Variants in DPPA2 observed in about 807,000 individuals in gnomAD.
The protein encoded by DPPA2 is developmental pluripotency-associated protein 2.
DPPA2 carries 26 observed loss-of-function variants against 36.2 expected under a neutral mutation model. The observed-to-expected ratio is 0.72, with a 90% CI of 0.53 to 1.00. The LOEUF is 1.00. DPPA2 is among the 50% of genes least tolerant of loss of function. The probability of loss-of-function intolerance (pLI) is 0.00; values close to 1 mark genes in which losing one functional copy is unlikely to be tolerated. For synonymous variants in DPPA2, 113 were observed against 123.2 expected, an observed-to-expected ratio of 0.92 and a Z score of 0.55; for missense variants, 361 against 365.1, an observed-to-expected ratio of 0.99 and a Z score of 0.09.
chr3:109,308,971 C>T (rs912415712), intron 5 of DPPA2, 55 bp downstream of exon 5: 18 of 1,603,984 alleles, frequency 1.1e-5, no homozygotes, highest in South Asian at 2.2e-5. Flanking sequence ...CGGTAGGGAC[C>T]GGACGAATCA....
At chr3:109,308,005 G>C (rs1416882493) in intron 6 of DPPA2, 27 bp downstream of exon 6, 1 of 1,606,128 alleles carries the variant, frequency 6.2e-7, no homozygotes, top group Non-Finnish European at 8.5e-7. Flanking sequence ...CTCTGGAGTG[G>C]GACTCACACT....
At chr3:109,298,016 C>T (rs1707383095) in intron 8 of DPPA2, among the ~76,000 whole-genome samples, 2 of 152,004 alleles carry the variant, frequency 1.3e-5, no homozygotes, top group Non-Finnish European at 1.5e-5. Context: ...AAGGCTGGGC[C>T]AGGAGAATCC....
chr3:109,312,929 AG>A (rs972557081), intron 2 of DPPA2, among the ~76,000 whole-genome samples: 20 of 152,204 alleles, frequency 1.3e-4, no homozygotes, highest in African/African-American at 4.8e-4. Context: ...AGAAAATAGA[AG>A]GGTAGGGCTT....
Position 109,309,189 on chromosome 3 carries a change from C to A in DPPA2, c.323G>T (p.Gly108Val). The change falls in exon 4 of 9, where the codon GGT becomes GTT. Residue 108 changes from glycine (G) to valine (V), a missense_variant. By Grantham distance (109) the Gly-to-Val change is moderately radical (BLOSUM62 -3). Coordinates refer to ENST00000478945, the MANE Select transcript of DPPA2 (RefSeq NM_138815.4). ...ACTAACCTTGCCATTAGTACTCAAA[C>A]CGAGTTGTTGACACCAGTCCCGCAA... ...DTLRDWCQQL[G>V]LSTNGKKIEV... The A allele has an allele frequency of 6.2e-7, 1 of 1,614,156 alleles. No homozygotes were observed. The highest frequency in any genetic ancestry group is 8.5e-7 in the Non-Finnish European group (1 of 1,180,050).
intron 8 of DPPA2, among the ~76,000 whole-genome samples, chr3:109,294,614 A>G (rs1305759824): frequency 1.3e-5 from 2 of 152,216 alleles, no homozygotes; most frequent in Non-Finnish European, 2.9e-5. Flanking sequence ...GGTGAGGTGA[A>G]GTGCTTACTT....
intron 8 of DPPA2, among the ~76,000 whole-genome samples, chr3:109,294,441 G>C (rs1485722141): frequency 1.3e-5 from 2 of 152,082 alleles, no homozygotes; most frequent in Non-Finnish European, 2.9e-5. Flanking sequence ...TGTAAGTTTG[G>C]GCTCATTCTA....
intron 2 of DPPA2, among the ~76,000 whole-genome samples, chr3:109,313,033 G>C (rs1187150249): frequency 6.6e-6 from 1 of 152,154 alleles, no homozygotes; most frequent in African/African-American, 2.4e-5. Flanking sequence ...TATGGAGTGT[G>C]TTCCTGCCTT....
At chr3:109,302,390 ATC>A (rs1057443627) in intron 7 of DPPA2, among the ~76,000 whole-genome samples, 9 of 152,154 alleles carry the variant, frequency 5.9e-5, no homozygotes, top group African/African-American at 1.9e-4. Context: ...GTAATGAATT[ATC>A]TCTTTCTGAA....
At chr3:109,301,545 C>T (rs1389275233) in intron 7 of DPPA2, among the ~76,000 whole-genome samples, 4 of 151,386 alleles carry the variant, frequency 2.6e-5, no homozygotes, top group East Asian at 1.9e-4. Context: ...CCAGCTACTC[C>T]GGAGGCTGAG....
intron 8 of DPPA2, among the ~76,000 whole-genome samples, 188 bp from the exon 9 acceptor site, chr3:109,294,192 T>A (rs1481110180): frequency 6.6e-6 from 1 of 152,156 alleles, no homozygotes; most frequent in Non-Finnish European, 1.5e-5. Context: ...TTGGTTTCCT[T>A]TGGGTTACTG....
At chr3:109,296,343 G>T (rs1296066623) in intron 8 of DPPA2, among the ~76,000 whole-genome samples, 1 of 152,208 alleles carries the variant, frequency 6.6e-6, no homozygotes, top group Non-Finnish European at 1.5e-5. Context: ...CTCTCCGTAA[G>T]CCTTACAAAC....
At chr3:109,302,087 T>C (rs1230868453) in intron 7 of DPPA2, among the ~76,000 whole-genome samples, 1 of 151,872 alleles carries the variant, frequency 6.6e-6, no homozygotes, top group Non-Finnish European at 1.5e-5. Flanking sequence ...TGCTAACCTC[T>C]AACTGTGTTC....
intron 3 of DPPA2, among the ~76,000 whole-genome samples, chr3:109,311,606 G>A (rs944372685): frequency 6.6e-6 from 1 of 152,020 alleles, no homozygotes. Context: ...TGGGCGTGGT[G>A]GTGGGCGCCT....
intron 3 of DPPA2, 78 bp from the exon 4 acceptor site, chr3:109,309,408 T>A (rs1315723125): frequency 1.3e-6 from 2 of 1,536,914 alleles, no homozygotes; most frequent in East Asian, 4.6e-5. Flanking sequence ...AGATCTAGGG[T>A]CGGGCACGGT....
chr3:109,298,472 TG>T (rs1707394243), intron 8 of DPPA2, among the ~76,000 whole-genome samples: 1 of 151,318 alleles, frequency 6.6e-6, no homozygotes, highest in Non-Finnish European at 1.5e-5. Context: ...CCCAGCCCTT[TG>T]GGAGCCCAAG....
chr3:109,312,239 C>G (rs1354102869), intron 3 of DPPA2, among the ~76,000 whole-genome samples: 3 of 152,132 alleles, frequency 2.0e-5, no homozygotes, highest in Non-Finnish European at 4.4e-5. Context: ...AAGGCTGAGG[C>G]AGGAGAATCG....
intron 8 of DPPA2, 117 bp downstream of exon 8, chr3:109,300,254 G>T: frequency 1.3e-6 from 1 of 790,472 alleles, no homozygotes; most frequent in Non-Finnish European, 2.1e-6. Context: ...ATACATTTAT[G>T]TCCTGTTTTT....
intron 3 of DPPA2, 131 bp downstream of exon 3, chr3:109,312,414 T>C: frequency 8.3e-7 from 1 of 1,202,708 alleles, no homozygotes; most frequent in South Asian, 2.0e-5. Flanking sequence ...CAAAATTTCT[T>C]AACACAGATT....
intron 6 of DPPA2, among the ~76,000 whole-genome samples, chr3:109,305,182 A>G (rs1707534395): frequency 1.3e-5 from 2 of 152,078 alleles, no homozygotes; most frequent in Non-Finnish European, 2.9e-5. Flanking sequence ...AAAATAAAAT[A>G]AAATAAAAAA....
Sources: allele counts gnomAD v4.1 joint callset (sites outside exome capture counted in the v4.1 genomes callset), GRCh38; gene constraint gnomAD v4.1.1; transcripts MANE v1.5; gene names NCBI Gene and HGNC (gene_info 2026-07-23, HGNC 2026-07-21).